LINGO2: variants seen among roughly 807,000 people sequenced by gnomAD.
LINGO2 encodes leucine-rich repeat and immunoglobulin-like domain-containing nogo receptor-interacting protein 2.
Under a neutral mutation model 30.6 loss-of-function variants are expected in LINGO2, and 14 were observed. That is an observed-to-expected ratio of 0.46 (90% CI 0.30 to 0.72). LINGO2 has a LOEUF of 0.72. LINGO2 is among the 30% of genes least tolerant of loss of function. The pLI is 0.07. For synonymous variants in LINGO2, 317 were observed against 288.5 expected (o/e 1.10, Z -1.00); for missense variants, 729 against 751.7 (o/e 0.97, Z 0.35).
At chr9:28,159,508 T>G (rs1828227293) in intron 4 of LINGO2, among the ~76,000 whole-genome samples, 1 of 152,168 alleles carries the variant, frequency 6.6e-6, no homozygotes, top group South Asian at 2.1e-4. Flanking sequence ...ATATGATGTT[T>G]TGATATGTAC....
chr9:29,152,804 A>G, the LINGO2 span, among the ~76,000 whole-genome samples: 9 of 152,312 alleles, frequency 5.9e-5, no homozygotes, highest in Non-Finnish European at 1.5e-5. Flanking sequence ...AAAGTTGAAC[A>G]TATTTAAAAT....
At chr9:28,509,780 G>A (rs971568243) in intron 1 of LINGO2, among the ~76,000 whole-genome samples, 3 of 152,186 alleles carry the variant, frequency 2.0e-5, no homozygotes, top group East Asian at 1.9e-4. Flanking sequence ...TTCCAGAATT[G>A]CAAGGAAATA....
the LINGO2 span, among the ~76,000 whole-genome samples, chr9:29,137,453 T>C: frequency 1.3e-5 from 2 of 152,148 alleles, no homozygotes; most frequent in African/African-American, 4.8e-5. Flanking sequence ...ATAAGGTGTG[T>C]GTATAGGGGA....
the LINGO2 span, among the ~76,000 whole-genome samples, chr9:28,800,261 T>C: frequency 2.2e-4 from 34 of 152,246 alleles, no homozygotes; most frequent in South Asian, 6.6e-3. Flanking sequence ...AAATGTCTTC[T>C]GAGTTGAACT....
chr9:28,005,284 C>T (rs1822205864), intron 5 of LINGO2, among the ~76,000 whole-genome samples: 1 of 152,068 alleles, frequency 6.6e-6, no homozygotes, highest in Non-Finnish European at 1.5e-5. Flanking sequence ...AAGTTAAGAC[C>T]ATGTGTAGCT....
chr9:28,905,559 T>G, the LINGO2 span, among the ~76,000 whole-genome samples: 1 of 152,046 alleles, frequency 6.6e-6, no homozygotes, highest in Non-Finnish European at 1.5e-5. Flanking sequence ...TTACTAATCA[T>G]CTGGGAAATG....
chr9:28,494,331 T>C (rs565954227), intron 1 of LINGO2, among the ~76,000 whole-genome samples: 5 of 152,286 alleles, frequency 3.3e-5, no homozygotes, highest in Admixed American at 1.3e-4. Context: ...ACTGGTCATT[T>C]ACATTAGGCG....
the LINGO2 span, among the ~76,000 whole-genome samples, chr9:29,100,939 GCAAA>G: frequency 3.3e-5 from 5 of 152,162 alleles, no homozygotes; most frequent in African/African-American, 9.7e-5. Context: ...CTGCTGTAAT[GCAAA>G]CAGAGGGCAA....
chr9:28,501,426 A>G (rs1316783287), intron 1 of LINGO2, among the ~76,000 whole-genome samples: 1 of 152,220 alleles, frequency 6.6e-6, no homozygotes, highest in Non-Finnish European at 1.5e-5. Flanking sequence ...AACACAAATA[A>G]TTGAATGAAG....
intron 1 of LINGO2, among the ~76,000 whole-genome samples, chr9:28,604,808 T>C (rs1482428008): frequency 1.3e-5 from 2 of 152,032 alleles, no homozygotes; most frequent in African/African-American, 2.4e-5. Context: ...ATTGTACATA[T>C]AGAGAGACCT....
intron 4 of LINGO2, among the ~76,000 whole-genome samples, chr9:28,086,945 C>T (rs1252000375): frequency 6.6e-6 from 1 of 152,122 alleles, no homozygotes; most frequent in Non-Finnish European, 1.5e-5. Context: ...AAGTTATTTT[C>T]ATGACAAGAG....
chr9:28,813,189 T>C, the LINGO2 span, among the ~76,000 whole-genome samples: 2 of 151,898 alleles, frequency 1.3e-5, no homozygotes, highest in East Asian at 3.9e-4. Context: ...GAGAAGAAAA[T>C]GGGATACAGT....
At chr9:28,478,405 T>C (rs372662015) in intron 1 of LINGO2, among the ~76,000 whole-genome samples, 8 of 152,118 alleles carry the variant, frequency 5.3e-5, no homozygotes, top group African/African-American at 1.9e-4. Context: ...TGGAGATTTA[T>C]AGGCACATTC....
the LINGO2 span, among the ~76,000 whole-genome samples, chr9:29,117,889 T>G: frequency 3.9e-5 from 6 of 152,210 alleles, no homozygotes; most frequent in South Asian, 1.2e-3. Flanking sequence ...AAGACAGCAC[T>G]AATATTTAGT....
At chr9:28,281,867 A>G (rs1823339355) in intron 4 of LINGO2, among the ~76,000 whole-genome samples, 1 of 152,130 alleles carries the variant, frequency 6.6e-6, no homozygotes. Context: ...TTCTAAAACT[A>G]GTGACCGGAT....
At chr9:28,963,483 A>G in the LINGO2 span, among the ~76,000 whole-genome samples, 6 of 151,746 alleles carry the variant, frequency 4.0e-5, no homozygotes, top group South Asian at 4.2e-4. Flanking sequence ...ACAATATCCA[A>G]GATATGGAAT....
At chr9:28,766,563 C>A in the LINGO2 span, among the ~76,000 whole-genome samples, 1 of 151,974 alleles carries the variant, frequency 6.6e-6, no homozygotes, top group Non-Finnish European at 1.5e-5. Flanking sequence ...GAACCACAAT[C>A]TCTCTTCTGA....
At chr9:28,498,018 A>T (rs561549743) in intron 1 of LINGO2, among the ~76,000 whole-genome samples, 17 of 152,190 alleles carry the variant, frequency 1.1e-4, no homozygotes, top group Non-Finnish European at 2.2e-4. Flanking sequence ...TTCCTCTGGA[A>T]GCTTCATCTC....
the LINGO2 span, among the ~76,000 whole-genome samples, chr9:28,919,710 A>G: frequency 6.6e-6 from 1 of 150,536 alleles, no homozygotes; most frequent in African/African-American, 2.4e-5. Flanking sequence ...TACTTTTACC[A>G]GTGTATTACA....
Sources: allele counts gnomAD v4.1 joint callset (sites outside exome capture counted in the v4.1 genomes callset), GRCh38; gene constraint gnomAD v4.1.1; transcripts MANE v1.5; gene names NCBI Gene and HGNC (gene_info 2026-07-23, HGNC 2026-07-21).